The following YY1AP1 variants were observed in gnomAD, a reference collection of about 807,000 sequenced individuals.
YY1AP1 encodes the protein YY1-associated protein 1.
In YY1AP1, 43 loss-of-function variants were observed where a neutral mutation model predicts 39.9. That is an observed-to-expected ratio of 1.08 (90% CI 0.84 to 1.39). The LOEUF is 1.39. Among genes scored for constraint, YY1AP1 ranks in the 40% most tolerant of loss-of-function variants. YY1AP1 has a pLI of 0.00. For missense variants in YY1AP1, 813 were observed against 900.7 expected, an observed-to-expected ratio of 0.90 and a Z score of 1.25; for synonymous variants, 292 against 331.3, an observed-to-expected ratio of 0.88 and a Z score of 1.29.
intron 7 of YY1AP1, among the ~76,000 whole-genome samples, chr1:155,671,812 G>A (rs1180148604): frequency 6.6e-6 from 1 of 152,088 alleles, no homozygotes; most frequent in Non-Finnish European, 1.5e-5. Flanking sequence ...TATTAAAGTA[G>A]TTTGGGATCT....
At chr1:155,688,459 G>T (rs979997894) in intron 1 of YY1AP1, 200 bp downstream of exon 1, 7 of 1,549,474 alleles carry the variant, frequency 4.5e-6, no homozygotes, top group Admixed American at 3.9e-5. Context: ...GCCCGACTCC[G>T]GCCATGTAGC....
chr1:155,669,161 G>A (rs986386523), intron 8 of YY1AP1, among the ~76,000 whole-genome samples: 1 of 152,180 alleles, frequency 6.6e-6, no homozygotes, highest in Middle Eastern at 3.2e-3. Context: ...AGCCTCCTGA[G>A]TATCTGTGGC....
Position 155,668,733 on chromosome 1 carries a change from A to C in YY1AP1, c.773T>G (p.Leu258Arg), listed in dbSNP as rs1649426507. Reference protein sequence around the residue: ...GLKHFEGTEFLNPLISKYLLT... With the variant: ...GLKHFEGTEFRNPLISKYLLT... ...AAGGTACTTGCTGATTAGAGGGTTA[A>C]GAAACTCAGTCCCTTCAAAATGCTT... is the stretch of plus-strand genomic sequence containing the variant. The change falls in exon 9 of 11, where the codon CTT becomes CGT. Residue 258 changes from leucine (L) to arginine (R), a missense_variant. By Grantham distance (102) the Leu-to-Arg change is moderately radical. Around this residue, in one of 3 missense-constraint regions of YY1AP1, gnomAD observed 586 missense variants for 647.4 expected, o/e 0.91. Coordinates refer to ENST00000355499, the MANE Select transcript of YY1AP1 (RefSeq NM_139119.3). 1.2e-6 allele frequency: 2 copies of C among 1,614,214 alleles called. No individual in the cohort carries two copies. The highest frequency in any genetic ancestry group is 1.3e-5 in the African/African-American group (1 of 75,070).
chr1:155,687,934 C>T (rs1229597145), intron 2 of YY1AP1, 137 bp downstream of exon 2: 7 of 1,022,014 alleles, frequency 6.8e-6, no homozygotes, highest in South Asian at 5.5e-5. Flanking sequence ...CCCCTCCCTG[C>T]TCTCCCCTCC....
chr1:155,684,970 T>C (rs1213300946), intron 2 of YY1AP1, among the ~76,000 whole-genome samples: 4 of 152,198 alleles, frequency 2.6e-5, no homozygotes, highest in Non-Finnish European at 5.9e-5. Flanking sequence ...AGCTACTGGA[T>C]TTTATATCAG....
intron 2 of YY1AP1, among the ~76,000 whole-genome samples, chr1:155,682,790 G>T (rs757179466): frequency 6.6e-6 from 1 of 151,972 alleles, no homozygotes; most frequent in Non-Finnish European, 1.5e-5. Context: ...TTTGTCAACA[G>T]AAGAATTTTG....
chr1:155,667,779 A>AC (rs1049091335), intron 9 of YY1AP1, among the ~76,000 whole-genome samples: 11 of 151,600 alleles, frequency 7.3e-5, no homozygotes, highest in African/African-American at 2.7e-4. Flanking sequence ...CCAAGATCGC[A>AC]CCATTGCACT....
At chr1:155,676,471 T>C in intron 5 of YY1AP1, 77 bp downstream of exon 5, 5 of 1,555,562 alleles carry the variant, frequency 3.2e-6, no homozygotes, top group Non-Finnish European at 4.4e-6. Flanking sequence ...ACAAAGCTGC[T>C]AATTTTAGAT....
intron 5 of YY1AP1, among the ~76,000 whole-genome samples, chr1:155,675,388 C>T (rs182613300): frequency 5.3e-5 from 8 of 152,064 alleles, no homozygotes; most frequent in Admixed American, 2.6e-4. Flanking sequence ...AGTGCAATGG[C>T]GTGATCTCGG....
At chr1:155,665,277 A>ATCCC (rs1648797440) in intron 9 of YY1AP1, among the ~76,000 whole-genome samples, 1 of 151,710 alleles carries the variant, frequency 6.6e-6, no homozygotes. Context: ...TTCAGAAAAA[A>ATCCC]ATTTTTTTTA....
intron 2 of YY1AP1, among the ~76,000 whole-genome samples, chr1:155,681,989 C>CTTATATGTGTATTCAAGATA (rs2149068502): frequency 6.6e-6 from 1 of 151,898 alleles, no homozygotes; most frequent in African/African-American, 2.4e-5. Flanking sequence ...CTGGCAAGAT[C>CTTATATGTGTATTCAAGATA]TTATATGTGT....
intron 7 of YY1AP1, among the ~76,000 whole-genome samples, chr1:155,671,418 G>A (rs555204821): frequency 2.6e-4 from 39 of 150,510 alleles, no homozygotes; most frequent in Non-Finnish European, 4.6e-4. Context: ...GTGACAGAGC[G>A]AGACTCCATC....
chr1:155,676,411 T>G lies in YY1AP1; in HGVS notation c.324+137A>C, dbSNP rs1393477659. ...TGACTTCTCAAGCTCCTAACTGATG[T>G]GAAGATACTACGGTTTTAATACGTA... On this transcript the variant is annotated intron_variant, in intron 5 of 10. Coordinates refer to ENST00000355499, the MANE Select transcript of YY1AP1 (RefSeq NM_139119.3). 2.9e-6 allele frequency: 3 copies of G among 1,025,482 alleles called. No homozygotes were observed. The East Asian group carries it at 7.3e-5, about 25-fold the overall frequency. The allele number at this position is 1,025,482 out of a possible 1,614,324, so 63.5% of individuals were successfully genotyped here. A position where few individuals can be genotyped will look rare whatever the true frequency, so the allele number is the denominator to read the frequency against.
At chr1:155,685,694 T>G (rs1183519470) in intron 2 of YY1AP1, among the ~76,000 whole-genome samples, 1 of 152,224 alleles carries the variant, frequency 6.6e-6, no homozygotes, top group Non-Finnish European at 1.5e-5. Context: ...AAACTCATAC[T>G]AACATCCACA....
At chr1:155,674,854 T>C (rs1195596529) in intron 6 of YY1AP1, 156 bp downstream of exon 6, 7 of 631,798 alleles carry the variant, frequency 1.1e-5, no homozygotes, top group Non-Finnish European at 1.9e-5. Context: ...TTGAATACAC[T>C]CTTTGTCCTT....
intron 4 of YY1AP1, among the ~76,000 whole-genome samples, chr1:155,678,653 T>C (rs1020218522): frequency 3.3e-5 from 5 of 152,206 alleles, no homozygotes; most frequent in Admixed American, 3.3e-4. Context: ...TTGGTTGGCC[T>C]ATCTTATCTT....
At chr1:155,661,226 C>T (rs541667533) in intron 10 of YY1AP1, 81 bp downstream of exon 10, 36 of 1,613,808 alleles carry the variant, frequency 2.2e-5, no homozygotes, top group Middle Eastern at 1.7e-4. Flanking sequence ...AAGCATTAGA[C>T]GATTAAGGAA....
intron 9 of YY1AP1, among the ~76,000 whole-genome samples, chr1:155,665,075 G>A (rs1051357961): frequency 3.3e-5 from 5 of 151,756 alleles, no homozygotes; most frequent in African/African-American, 1.2e-4. Flanking sequence ...CGGCCCCGGA[G>A]ATGGTTTAAA....
At chr1:155,673,886 G>A (rs924538214) in intron 6 of YY1AP1, among the ~76,000 whole-genome samples, 13 of 152,166 alleles carry the variant, frequency 8.5e-5, no homozygotes, top group African/African-American at 3.1e-4. Context: ...AATAGGCCGG[G>A]CGCGGTGGCT....
Sources: gnomAD v4.1 joint callset for allele counts (sites outside exome capture counted in the v4.1 genomes callset) on GRCh38, gnomAD v4.1.1 for gene constraint, gnomAD v4.1.1 regional missense constraint, MANE v1.5 for transcripts, NCBI Gene and HGNC (gene_info 2026-07-23, HGNC 2026-07-21) for gene names.